PCDHA2: variants seen among roughly 807,000 people sequenced by gnomAD.
The protein encoded by PCDHA2 is protocadherin alpha-2.
PCDHA2 carries 58 observed loss-of-function variants against 66.0 expected under a neutral mutation model. That is an observed-to-expected ratio of 0.88 (90% confidence interval 0.71 to 1.09). The LOEUF is 1.09. Among genes scored for constraint, PCDHA2 ranks in the 50% least tolerant of loss-of-function variants. The probability of loss-of-function intolerance (pLI) is 0.00; values close to 1 mark genes in which losing one functional copy is unlikely to be tolerated. For missense variants in PCDHA2, 1,267 were observed against 1,242.3 expected (o/e 1.02, Z -0.30); for synonymous variants, 634 against 554.0 (o/e 1.14, Z -2.03).
At chr5:140,884,588 C>G (rs1554181766) in intron 1 of PCDHA2, 1 of 1,614,152 alleles carries the variant, frequency 6.2e-7, no homozygotes, top group East Asian at 2.2e-5. Context: ...GGCCTTCAGT[C>G]CCAGCCTTCC....
intron 1 of PCDHA2, chr5:140,802,758 C>T (rs782690309): frequency 1.2e-6 from 2 of 1,612,718 alleles, no homozygotes; most frequent in Admixed American, 1.7e-5. Context: ...GTACGCGCTG[C>T]AGCCGCTGGA....
chr5:140,818,135 A>G (rs1375287002), intron 1 of PCDHA2, among the ~76,000 whole-genome samples: 1 of 152,222 alleles, frequency 6.6e-6, no homozygotes, highest in Non-Finnish European at 1.5e-5. Flanking sequence ...ATTTAGCAGT[A>G]TGCCTTCAAA....
At chr5:140,993,462 T>TCACACACACACACACA (rs3836747) in intron 3 of PCDHA2, among the ~76,000 whole-genome samples, 10 of 140,938 alleles carry the variant, frequency 7.1e-5, no homozygotes, top group African/African-American at 2.4e-4. Flanking sequence ...TCTTTCTTTC[T>TCACACACACACACACA]CACACACACA....
intron 1 of PCDHA2, chr5:140,877,301 A>G: frequency 1.2e-6 from 2 of 1,613,876 alleles, no homozygotes. Context: ...CTGTCCTACG[A>G]GTTGCAACCG....
At chr5:140,827,861 G>A in intron 1 of PCDHA2, 2 of 599,246 alleles carry the variant, frequency 3.3e-6, no homozygotes, top group Non-Finnish European at 5.8e-6. Flanking sequence ...AAAATATATG[G>A]TATAGCACTG....
chr5:140,862,602 C>T (rs2047444114), intron 1 of PCDHA2: 2 of 514,424 alleles, frequency 3.9e-6, no homozygotes, highest in South Asian at 3.0e-5. Flanking sequence ...ACATGGTGTT[C>T]GTGAAAGGTA....
chr5:140,928,291 G>A (rs62384489), intron 1 of PCDHA2: 1 of 1,614,142 alleles, frequency 6.2e-7, no homozygotes, highest in Non-Finnish European at 8.5e-7. Context: ...TCTAGGCCGA[G>A]TGTTTGCCCA....
At chr5:140,800,618 T>G (rs1185964202) in intron 1 of PCDHA2, among the ~76,000 whole-genome samples, 1 of 152,192 alleles carries the variant, frequency 6.6e-6, no homozygotes, top group Non-Finnish European at 1.5e-5. Flanking sequence ...TGAAATCCCA[T>G]CGTACCAAGA....
chr5:140,979,615 A>G (rs965487699), intron 2 of PCDHA2, among the ~76,000 whole-genome samples: 1 of 152,258 alleles, frequency 6.6e-6, no homozygotes, highest in Non-Finnish European at 1.5e-5. Context: ...GAGTAACGGT[A>G]TTAGTCTAAG....
intron 1 of PCDHA2, chr5:140,851,167 C>T: frequency 7.8e-7 from 1 of 1,282,038 alleles, no homozygotes. Context: ...GCTATGCTGC[C>T]ATAACACTTG....
chr5:140,832,198 T>G (rs1771866666), intron 1 of PCDHA2, among the ~76,000 whole-genome samples: 1 of 152,250 alleles, frequency 6.6e-6, no homozygotes, highest in Non-Finnish European at 1.5e-5. Context: ...TTTAACCTGC[T>G]GAGTCCTCAG....
Position 140,973,415 on chromosome 5 carries a change from A to C in PCDHA2, c.2389-5534A>C, listed in dbSNP as rs552618579. On this transcript the variant is annotated intron_variant, in intron 1 of 3. Coordinates refer to ENST00000526136, the MANE Select transcript of PCDHA2 (RefSeq NM_018905.3). ...AATCATATCTATGAGCTTCCACTCC[A>C]GTTTTTCATCCTCTGATGGTCACTT... Among the ~76,000 whole-genome samples the C allele has an allele frequency of 1.8e-3, 272 of 152,344 alleles. 1 individual carries two copies. Among genetic ancestry groups the C allele is most frequent in the Non-Finnish European group, 3.1e-3 (212 of 68,028 alleles).
intron 1 of PCDHA2, among the ~76,000 whole-genome samples, chr5:140,947,922 C>T (rs2094193763): frequency 6.6e-6 from 1 of 151,450 alleles, no homozygotes; most frequent in Admixed American, 6.6e-5. Context: ...TTGCCTTAAC[C>T]CTGATCTTAT....
rs143298646 is a variant in PCDHA2 at position 140,846,200 on chromosome 5, T to A, written c.2388+48848T>A. ...TAGGCGTTTGAGTTCTTTGTATGTA[T>A]GAGATCTTTCCATTAATAGTATTTT... On this transcript the variant is annotated intron_variant, in intron 1 of 3. Coordinates refer to ENST00000526136, the MANE Select transcript of PCDHA2 (RefSeq NM_018905.3). Among the ~76,000 whole-genome samples, 321 of 149,672 alleles carry A rather than the reference T, an allele frequency of 2.1e-3. 23 individuals carry two copies. The highest frequency in any genetic ancestry group is 7.4e-3 in the African/African-American group (305 of 40,998).
At chr5:140,967,435 C>T (rs949116832) in intron 1 of PCDHA2, 1 of 1,613,532 alleles carries the variant, frequency 6.2e-7, no homozygotes, top group Non-Finnish European at 8.5e-7. Flanking sequence ...CAGCCTTGCA[C>T]CACCTGGTTC....
At chr5:140,967,843 T>C (rs782701780) in intron 1 of PCDHA2, 3 of 1,614,102 alleles carry the variant, frequency 1.9e-6, no homozygotes, top group Admixed American at 3.3e-5. Flanking sequence ...TGGACGTGAA[T>C]GACAATGCCC....
intron 1 of PCDHA2, chr5:140,836,920 G>A: frequency 1.8e-6 from 1 of 542,350 alleles, no homozygotes; most frequent in Non-Finnish European, 3.1e-6. Flanking sequence ...TTTTGTTTTG[G>A]GATGCGTAAT....
chr5:140,947,131 G>A (rs994081159), intron 1 of PCDHA2, among the ~76,000 whole-genome samples: 10 of 151,080 alleles, frequency 6.6e-5, no homozygotes, highest in African/African-American at 2.2e-4. Context: ...AATAAAAATA[G>A]TAAAATGTAT....
chr5:140,990,649 T>A (rs1465284882), intron 3 of PCDHA2, among the ~76,000 whole-genome samples: 1 of 152,330 alleles, frequency 6.6e-6, no homozygotes, highest in South Asian at 2.1e-4. Context: ...TCAGCCAGTA[T>A]GAATGATTTA....
Sources: gnomAD v4.1 joint callset for allele counts (sites outside exome capture counted in the v4.1 genomes callset) on GRCh38, gnomAD v4.1.1 for gene constraint, MANE v1.5 for transcripts, NCBI Gene and HGNC (gene_info 2026-07-23, HGNC 2026-07-21) for gene names.